ATP2B2: variants seen among roughly 807,000 people sequenced by gnomAD.
ATP2B2 encodes the protein plasma membrane calcium-transporting ATPase 2.
ATP2B2 carries 15 observed loss-of-function variants against 120.0 expected under a neutral mutation model. That is an observed-to-expected ratio of 0.12 (90% CI 0.08 to 0.19). ATP2B2 has a LOEUF of 0.19. ATP2B2 is among the 10% of genes least tolerant of loss of function. The pLI, the probability that ATP2B2 is intolerant of heterozygous loss-of-function variation, is 1.00. For missense variants in ATP2B2, 1,045 were observed against 1,719.8 expected (o/e 0.61, Z 6.94); for synonymous variants, 694 against 700.3 (o/e 0.99, Z 0.14).
At chr3:10,500,021 C>T (rs1213313503) in intron 1 of ATP2B2, among the ~76,000 whole-genome samples, 1 of 151,050 alleles carries the variant, frequency 6.6e-6, no homozygotes, top group Non-Finnish European at 1.5e-5. Flanking sequence ...CTGCAACCTC[C>T]ACCTCCCAGG....
chr3:10,369,124 C>T (rs1250556619), intron 12 of ATP2B2, among the ~76,000 whole-genome samples: 2 of 152,228 alleles, frequency 1.3e-5, no homozygotes, highest in Non-Finnish European at 2.9e-5. Context: ...CCAATTAAAG[C>T]TGATGGGTAG....
intron 2 of ATP2B2, among the ~76,000 whole-genome samples, chr3:10,590,212 T>C (rs928599088): frequency 6.6e-6 from 1 of 152,160 alleles, no homozygotes; most frequent in African/African-American, 2.4e-5. Flanking sequence ...AATTTTTCAA[T>C]GGTATTATGG....
chr3:10,341,270 G>A (rs1384910054), intron 19 of ATP2B2, among the ~76,000 whole-genome samples: 4 of 152,108 alleles, frequency 2.6e-5, no homozygotes, highest in African/African-American at 4.8e-5. Context: ...CTGTGTAGAC[G>A]CTGCTGATAG....
intron 12 of ATP2B2, among the ~76,000 whole-genome samples, chr3:10,366,375 T>G (rs2061058356): frequency 6.6e-6 from 1 of 152,198 alleles, no homozygotes; most frequent in Non-Finnish European, 1.5e-5. Context: ...TGGGGTGTAC[T>G]GGGGACCTGG....
intron 1 of ATP2B2, among the ~76,000 whole-genome samples, chr3:10,702,160 C>G (rs781076417): frequency 6.6e-6 from 1 of 152,118 alleles, no homozygotes; most frequent in Non-Finnish European, 1.5e-5. Context: ...ACCCAAGGAA[C>G]GGATTTGAGA....
chr3:10,383,072 A>T (rs1343782380), intron 8 of ATP2B2, among the ~76,000 whole-genome samples: 1 of 150,278 alleles, frequency 6.7e-6, no homozygotes, highest in South Asian at 2.1e-4. Flanking sequence ...TTTTAATTTT[A>T]ATTTTTATTT....
chr3:10,539,492 C>T (rs181984801), intron 2 of ATP2B2, among the ~76,000 whole-genome samples: 3 of 152,250 alleles, frequency 2.0e-5, no homozygotes, highest in Admixed American at 1.3e-4. Context: ...GCTATAGTAA[C>T]CAAAACAGCA....
At chr3:10,584,104 G>A (rs1367072673) in intron 2 of ATP2B2, among the ~76,000 whole-genome samples, 1 of 151,804 alleles carries the variant, frequency 6.6e-6, no homozygotes, top group Admixed American at 6.6e-5. Flanking sequence ...AAACTTGCGA[G>A]GAAGAGAGCT....
At chr3:10,604,481 G>T (rs1299350794) in intron 2 of ATP2B2, among the ~76,000 whole-genome samples, 1 of 152,100 alleles carries the variant, frequency 6.6e-6, no homozygotes, top group Non-Finnish European at 1.5e-5. Flanking sequence ...CCAGGTCTTG[G>T]CCCCCAGCTA....
At chr3:10,542,691 A>G (rs2125498076) in intron 2 of ATP2B2, among the ~76,000 whole-genome samples, 1 of 152,338 alleles carries the variant, frequency 6.6e-6, no homozygotes, top group East Asian at 1.9e-4. Context: ...TGGTTTCTGA[A>G]GAGAAATCTG....
intron 2 of ATP2B2, among the ~76,000 whole-genome samples, chr3:10,610,344 A>G (rs1005584799): frequency 6.6e-6 from 1 of 151,904 alleles, no homozygotes; most frequent in Non-Finnish European, 1.5e-5. Flanking sequence ...TAGATCACAG[A>G]TACTATCCAT....
rs1293041740 is a variant in ATP2B2 at position 10,343,343 on chromosome 3, TC to T, written c.2704-379del. ...GCCTCCGGCATGGGCTCCTACCTCCTCCCCCCACTGCCTCCTCCCCCTCGGG... is the reference window on the plus strand; with the variant it reads ...GCCTCCGGCATGGGCTCCTACCTCCTCCCCCACTGCCTCCTCCCCCTCGGG... On this transcript the variant is annotated intron_variant, in intron 18 of 22. Coordinates refer to ENST00000360273, the MANE Select transcript of ATP2B2 (RefSeq NM_001001331.4). This position sits in a 1 kb window ranked among gnomAD's most constrained non-coding sequence, Gnocchi z 4.2. Among the ~76,000 whole-genome samples, 2 of 129,512 alleles carry T rather than the reference TC, an allele frequency of 1.5e-5. No homozygotes were observed. The highest frequency in any genetic ancestry group is 1.6e-5 in the Non-Finnish European group (1 of 60,776). 85.0% of individuals were successfully genotyped at this position (129,512 alleles called of 152,430 possible).
At chr3:10,357,595 A>C (rs1232232616) in intron 14 of ATP2B2, among the ~76,000 whole-genome samples, 1 of 152,168 alleles carries the variant, frequency 6.6e-6, no homozygotes, top group Non-Finnish European at 1.5e-5. Flanking sequence ...GTGTCAGGGT[A>C]GGTCCATTAA....
chr3:10,516,265 G>A (rs1437437194), intron 3 of ATP2B2, among the ~76,000 whole-genome samples: 6 of 152,164 alleles, frequency 3.9e-5, no homozygotes, highest in Non-Finnish European at 2.9e-5. Context: ...CCAGCCCCTG[G>A]GCCTCTGTCG....
chr3:10,677,022 C>T (rs1275671288), intron 1 of ATP2B2, among the ~76,000 whole-genome samples: 3 of 152,176 alleles, frequency 2.0e-5, no homozygotes, highest in African/African-American at 7.2e-5. Flanking sequence ...CAAAACTAAA[C>T]ACACTCTTAC....
At chr3:10,480,832 T>C (rs1222673864) in intron 1 of ATP2B2, among the ~76,000 whole-genome samples, 1 of 152,216 alleles carries the variant, frequency 6.6e-6, no homozygotes, top group Non-Finnish European at 1.5e-5. Flanking sequence ...AAAACATAAA[T>C]TGGATCACAT....
Position 10,683,551 on chromosome 3 carries a change from A to T in ATP2B2, c.-460+24364T>A, listed in dbSNP as rs144302314. ...CAGTCCCCAAGAGAGGCACCAGATC[A>T]GTTATTTCTAGGTTGCTAGCAATGA... On this transcript the variant is annotated intron_variant, in intron 1 of 21. Transcript: ENST00000646379. Among the ~76,000 whole-genome samples the T allele has an allele frequency of 2.9e-3, 442 of 151,922 alleles. 3 individuals carry two copies. Among genetic ancestry groups the T allele is most frequent in the African/African-American group, 0.01 (417 of 41,418 alleles).
At chr3:10,596,469 C>G (rs1353208028) in intron 2 of ATP2B2, among the ~76,000 whole-genome samples, 1 of 152,200 alleles carries the variant, frequency 6.6e-6, no homozygotes, top group African/African-American at 2.4e-5. Context: ...TTCAATGTGT[C>G]TCTGATTTCT....
At chr3:10,451,748 G>A (rs575544179) in intron 1 of ATP2B2, among the ~76,000 whole-genome samples, 1 of 152,324 alleles carries the variant, frequency 6.6e-6, no homozygotes, top group African/African-American at 2.4e-5. Flanking sequence ...ATACTCAAAA[G>A]AGGCCATGTT....
Sources: gnomAD v4.1 joint callset for allele counts (sites outside exome capture counted in the v4.1 genomes callset) on GRCh38, gnomAD v4.1.1 for gene constraint, Gnocchi (gnomAD v3.1) non-coding constraint, MANE v1.5 for transcripts, NCBI Gene and HGNC (gene_info 2026-07-23, HGNC 2026-07-21) for gene names.